ATP8A2: variants seen among roughly 807,000 people sequenced by gnomAD.
ATP8A2 encodes the protein ATPase phospholipid transporting 8A2, also known as phospholipid-transporting ATPase IB.
Under a neutral mutation model 165.6 loss-of-function variants are expected in ATP8A2, and 100 were observed. The ratio of observed to expected loss-of-function variants is 0.60; its 90% CI spans 0.51 to 0.71. The LOEUF (loss-of-function observed/expected upper bound fraction) is 0.71. Among genes scored for constraint, ATP8A2 ranks in the 30% least tolerant of loss-of-function variants. ATP8A2 has a pLI of 0.00. For synonymous variants in ATP8A2, 543 were observed against 548.8 expected, an observed-to-expected ratio of 0.99 and a Z score of 0.15; for missense variants, 1,227 against 1,479.5, an observed-to-expected ratio of 0.83 and a Z score of 2.80.
intron 8 of ATP8A2, among the ~76,000 whole-genome samples, chr13:25,541,203 G>A (rs2038464943): frequency 6.6e-6 from 1 of 152,030 alleles, no homozygotes; most frequent in Non-Finnish European, 1.5e-5. Context: ...AAAATTTTAA[G>A]CACTTTGAAG....
chr13:25,436,698 G>A (rs565723204), intron 1 of ATP8A2, among the ~76,000 whole-genome samples: 75 of 152,158 alleles, frequency 4.9e-4, no homozygotes, highest in African/African-American at 1.8e-3. Context: ...TTTCCATAGT[G>A]GCTGAACTAA....
Position 25,525,772 on chromosome 13 carries a change from T to C in ATP8A2, c.222-4227T>C, listed in dbSNP as rs142304818. Among the ~76,000 whole-genome samples, 124 of 152,302 alleles carry C rather than the reference T, an allele frequency of 8.1e-4. 1 individual carries two copies. Among genetic ancestry groups the C allele is most frequent in the African/African-American group, 2.9e-3 (122 of 41,594 alleles). Reference sequence around the variant, plus strand: ...GGTCTTTGAGAATGTGATTATTACATGCCTTGGTGAAGTCTTATTTGGGTC... The same window carrying C: ...GGTCTTTGAGAATGTGATTATTACACGCCTTGGTGAAGTCTTATTTGGGTC... On this transcript the variant is annotated intron_variant, in intron 2 of 36. Coordinates refer to ENST00000381655, the MANE Select transcript of ATP8A2 (RefSeq NM_016529.6).
At chr13:25,641,150 A>G (rs1268734624) in intron 24 of ATP8A2, among the ~76,000 whole-genome samples, 1 of 152,226 alleles carries the variant, frequency 6.6e-6, no homozygotes, top group East Asian at 1.9e-4. Flanking sequence ...CCAATATCAT[A>G]CTGAATGGGC....
chr13:25,906,737 G>A (rs56934684), intron 33 of ATP8A2, among the ~76,000 whole-genome samples: 1 of 152,270 alleles, frequency 6.6e-6, no homozygotes, highest in East Asian at 1.9e-4. Context: ...TTCCAATGTT[G>A]CTTAAAGTCT....
At chr13:25,830,346 A>T (rs1158515103) in intron 28 of ATP8A2, among the ~76,000 whole-genome samples, 3 of 152,146 alleles carry the variant, frequency 2.0e-5, no homozygotes, top group Non-Finnish European at 2.9e-5. Context: ...GGTTGAGATT[A>T]TATTTTATGC....
intron 25 of ATP8A2, among the ~76,000 whole-genome samples, chr13:25,706,816 A>G (rs1225428599): frequency 6.6e-6 from 1 of 152,108 alleles, no homozygotes; most frequent in Non-Finnish European, 1.5e-5. Flanking sequence ...GGCTTAGTAT[A>G]TATTTGCCCA....
chr13:25,507,756 G>A (rs2037097363), intron 2 of ATP8A2, among the ~76,000 whole-genome samples: 1 of 152,144 alleles, frequency 6.6e-6, no homozygotes, highest in Non-Finnish European at 1.5e-5. Context: ...ACTAAACCAA[G>A]GTGCTATAAA....
chr13:25,441,975 C>T (rs117347415), intron 1 of ATP8A2, among the ~76,000 whole-genome samples: 2 of 152,304 alleles, frequency 1.3e-5, no homozygotes, highest in African/African-American at 4.8e-5. Flanking sequence ...TTTGACTACT[C>T]TAAGTACCTC....
intron 27 of ATP8A2, among the ~76,000 whole-genome samples, chr13:25,785,160 A>C (rs1321218148): frequency 2.6e-5 from 4 of 151,186 alleles, no homozygotes; most frequent in Admixed American, 6.6e-5. Flanking sequence ...GCACTTTGGG[A>C]GGCTGAGGTG....
chr13:25,731,818 C>T (rs2043654368), intron 25 of ATP8A2, among the ~76,000 whole-genome samples: 1 of 152,214 alleles, frequency 6.6e-6, no homozygotes, highest in African/African-American at 2.4e-5. Flanking sequence ...TGTAACAGGG[C>T]ACAGAACTTG....
At chr13:26,017,212 C>CT (rs113677025) in intron 36 of ATP8A2, among the ~76,000 whole-genome samples, 4,173 of 152,206 alleles carry the variant, frequency 0.027, 177 homozygotes, top group African/African-American at 0.088. Flanking sequence ...GGAGCAGCCC[C>CT]GGGAGTGGTG....
chr13:25,611,981 T>C (rs1044943524), intron 24 of ATP8A2, among the ~76,000 whole-genome samples: 4 of 152,162 alleles, frequency 2.6e-5, no homozygotes, highest in African/African-American at 9.7e-5. Context: ...TCAGTTGTAA[T>C]AACTCCCGTT....
In ATP8A2 at chr13:25,740,175, G is replaced by A. The variant is rs145313090; in HGVS notation, c.2385-28871G>A. ...ATACAAAAAATTAGCTAGGCGTGGT[G>A]GTGGGCGCCTGTAGTCCCAGCTTCT... is the stretch of plus-strand genomic sequence containing the variant. On this transcript the variant is annotated intron_variant, in intron 25 of 36. Transcript: ENST00000381655. Among the ~76,000 whole-genome samples the A allele has an allele frequency of 4.5e-3, 684 of 152,196 alleles. 7 individuals are homozygous for A. Among genetic ancestry groups the A allele is most frequent in the African/African-American group, 0.016 (648 of 41,538 alleles).
chr13:25,600,161 C>T (rs1318951035), intron 24 of ATP8A2, among the ~76,000 whole-genome samples: 1 of 152,234 alleles, frequency 6.6e-6, no homozygotes, highest in Non-Finnish European at 1.5e-5. Flanking sequence ...GACCCAACAT[C>T]TCTTCCTGCA....
At chr13:25,486,031 C>T (rs1253509414) in intron 2 of ATP8A2, among the ~76,000 whole-genome samples, 5 of 152,268 alleles carry the variant, frequency 3.3e-5, no homozygotes, top group East Asian at 3.9e-4. Context: ...TTAGTATGTA[C>T]GAACTCTGAG....
chr13:25,873,611 G>C (rs1296558490), intron 33 of ATP8A2, among the ~76,000 whole-genome samples: 1 of 151,120 alleles, frequency 6.6e-6, no homozygotes, highest in Non-Finnish European at 1.5e-5. Flanking sequence ...ATGAATCCAG[G>C]CTCTGTTATT....
At chr13:25,767,398 A>G (rs1035930040) in intron 25 of ATP8A2, among the ~76,000 whole-genome samples, 1 of 152,208 alleles carries the variant, frequency 6.6e-6, no homozygotes, top group African/African-American at 2.4e-5. Context: ...TCAGTTGCCT[A>G]AAAGATTATA....
At chr13:25,540,634 C>T (rs1030121198) in intron 8 of ATP8A2, among the ~76,000 whole-genome samples, 2 of 152,058 alleles carry the variant, frequency 1.3e-5, no homozygotes, top group Non-Finnish European at 2.9e-5. Context: ...GAGTTCTCTG[C>T]CTGTGATGCT....
At chr13:25,963,562 T>G (rs936430348) in intron 34 of ATP8A2, among the ~76,000 whole-genome samples, 1 of 152,242 alleles carries the variant, frequency 6.6e-6, no homozygotes, top group Non-Finnish European at 1.5e-5. Context: ...TTTAGATAAA[T>G]AGGCCACATC....
Sources: gnomAD v4.1 joint callset for allele counts (sites outside exome capture counted in the v4.1 genomes callset) on GRCh38, gnomAD v4.1.1 for gene constraint, MANE v1.5 for transcripts, NCBI Gene and HGNC (gene_info 2026-07-23, HGNC 2026-07-21) for gene names.